Variants in STAG1 observed in about 807,000 individuals in gnomAD.
STAG1 encodes the protein cohesin subunit SA-1.
Under a neutral mutation model 170.9 loss-of-function variants are expected in STAG1, and 26 were observed. The ratio of observed to expected loss-of-function variants is 0.15; its 90% CI spans 0.11 to 0.21. STAG1 has a LOEUF of 0.21. STAG1 is among the 10% of genes least tolerant of loss of function. The pLI, the probability that STAG1 is intolerant of heterozygous loss-of-function variation, is 1.00. For synonymous variants in STAG1, 514 were observed against 497.7 expected (o/e 1.03, Z -0.44); for missense variants, 964 against 1,509.5 (o/e 0.64, Z 5.99).
intron 22 of STAG1, among the ~76,000 whole-genome samples, chr3:136,391,379 T>C (rs2087006422): frequency 6.7e-6 from 1 of 148,386 alleles, no homozygotes; most frequent in East Asian, 2.0e-4. Flanking sequence ...TTTTTTTTTT[T>C]TTTTTTTTCT....
chr3:136,477,813 T>C (rs1376180240), intron 9 of STAG1, among the ~76,000 whole-genome samples: 1 of 152,182 alleles, frequency 6.6e-6, no homozygotes, highest in African/African-American at 2.4e-5. Context: ...TATTATTAAA[T>C]GGAGTCTTGC....
At chr3:136,547,649 G>A (rs1936212129) in intron 5 of STAG1, among the ~76,000 whole-genome samples, 1 of 152,078 alleles carries the variant, frequency 6.6e-6, no homozygotes, top group African/African-American at 2.4e-5. Flanking sequence ...ATTCATCCAT[G>A]GTTGTCACAT....
intron 1 of STAG1, among the ~76,000 whole-genome samples, chr3:136,688,935 T>C (rs1160727694): frequency 6.6e-6 from 1 of 152,216 alleles, no homozygotes; most frequent in Non-Finnish European, 1.5e-5. Context: ...ACTGGGTTTT[T>C]ACAGTTGCAT....
chr3:136,640,024 T>A (rs1358718063), intron 1 of STAG1, among the ~76,000 whole-genome samples: 1 of 152,160 alleles, frequency 6.6e-6, no homozygotes, highest in African/African-American at 2.4e-5. Flanking sequence ...ACTACAAAAA[T>A]CACTCACAAA....
intron 7 of STAG1, among the ~76,000 whole-genome samples, 176 bp downstream of exon 7, chr3:136,521,037 T>A (rs1274397128): frequency 2.0e-5 from 3 of 152,142 alleles, no homozygotes; most frequent in Non-Finnish European, 1.5e-5. Flanking sequence ...CAATTTTCAT[T>A]CTTAAGGCTA....
intron 6 of STAG1, among the ~76,000 whole-genome samples, chr3:136,522,736 C>T (rs1934748433): frequency 1.5e-5 from 2 of 133,170 alleles, no homozygotes; most frequent in Non-Finnish European, 3.1e-5. Flanking sequence ...CACCCCACGG[C>T]AGGTCCCAGC....
At chr3:136,374,947 T>C (rs112304705) in intron 23 of STAG1, among the ~76,000 whole-genome samples, 7 of 152,266 alleles carry the variant, frequency 4.6e-5, no homozygotes, top group African/African-American at 1.4e-4. Flanking sequence ...GTATTTTAGA[T>C]ATGTTTAGAT....
intron 6 of STAG1, among the ~76,000 whole-genome samples, chr3:136,536,820 C>T (rs1191400211): frequency 2.6e-5 from 4 of 151,878 alleles, no homozygotes; most frequent in Admixed American, 6.6e-5. Context: ...CCCTTTTGTG[C>T]CCCAATTTTC....
chr3:136,624,491 T>C (rs1940006720), intron 2 of STAG1, among the ~76,000 whole-genome samples: 1 of 152,304 alleles, frequency 6.6e-6, no homozygotes, highest in South Asian at 2.1e-4. Context: ...CTTTAATGAG[T>C]AGGATGCAAG....
intron 1 of STAG1, among the ~76,000 whole-genome samples, chr3:136,689,669 G>A (rs909216237): frequency 6.6e-6 from 1 of 151,764 alleles, no homozygotes; most frequent in Non-Finnish European, 1.5e-5. Flanking sequence ...TCAGTGGGAC[G>A]ACAGAGATCT....
At chr3:136,749,814 T>C (rs1935134654) in intron 1 of STAG1, among the ~76,000 whole-genome samples, 1 of 151,884 alleles carries the variant, frequency 6.6e-6, no homozygotes, top group African/African-American at 2.4e-5. Flanking sequence ...ACACCCTGAT[T>C]TTAGCCTGAG....
intron 23 of STAG1, among the ~76,000 whole-genome samples, chr3:136,375,655 A>T (rs1356248802): frequency 6.6e-6 from 1 of 152,102 alleles, no homozygotes; most frequent in African/African-American, 2.4e-5. Flanking sequence ...TCTGATGCAG[A>T]AACACTGGAT....
At chr3:136,507,282 A>C (rs778058135) in intron 7 of STAG1, among the ~76,000 whole-genome samples, 29 of 152,212 alleles carry the variant, frequency 1.9e-4, no homozygotes, top group Non-Finnish European at 3.7e-4. Context: ...GAAACTGGCA[A>C]CTTTGGTTGT....
intron 6 of STAG1, among the ~76,000 whole-genome samples, chr3:136,527,360 T>C (rs766918554): frequency 2.6e-5 from 4 of 152,226 alleles, no homozygotes; most frequent in Non-Finnish European, 5.9e-5. Context: ...CAATCACCGA[T>C]ACCCTTTCTT....
intron 7 of STAG1, among the ~76,000 whole-genome samples, chr3:136,504,985 T>C (rs111612402): frequency 1.6e-4 from 24 of 152,292 alleles, no homozygotes; most frequent in Non-Finnish European, 3.2e-4. Flanking sequence ...TACAGCAGTG[T>C]TTACTGAGAT....
chr3:136,549,924 A>C (rs1447650800), intron 5 of STAG1, among the ~76,000 whole-genome samples: 1 of 152,160 alleles, frequency 6.6e-6, no homozygotes, highest in Non-Finnish European at 1.5e-5. Context: ...GTATCTACTG[A>C]GATGACCAAG....
At chr3:136,487,069 G>A (rs2090031971) in intron 9 of STAG1, among the ~76,000 whole-genome samples, 1 of 145,658 alleles carries the variant, frequency 6.9e-6, no homozygotes, top group South Asian at 2.2e-4. Context: ...TGTTATACAG[G>A]TATGCATGTG....
At chr3:136,351,344 A>C (rs1936426989) in intron 28 of STAG1, among the ~76,000 whole-genome samples, 1 of 152,208 alleles carries the variant, frequency 6.6e-6, no homozygotes, top group East Asian at 1.9e-4. Context: ...GCTATGCTTA[A>C]AAGTTTCTTT....
At chr3:136,634,186 A>G (rs560637942) in intron 1 of STAG1, among the ~76,000 whole-genome samples, 19 of 151,746 alleles carry the variant, frequency 1.3e-4, no homozygotes, top group African/African-American at 4.3e-4. Context: ...TAAAAAGGCA[A>G]AAACAAAATT....
Sources: allele counts gnomAD v4.1 joint callset (sites outside exome capture counted in the v4.1 genomes callset), GRCh38; gene constraint gnomAD v4.1.1; transcripts MANE v1.5; gene names NCBI Gene and HGNC (gene_info 2026-07-23, HGNC 2026-07-21).